ALDH1L1: variants seen among roughly 807,000 people sequenced by gnomAD.
ALDH1L1 encodes cytosolic 10-formyltetrahydrofolate dehydrogenase.
In ALDH1L1, 68 loss-of-function variants were observed where a neutral mutation model predicts 101.1. The ratio of observed to expected loss-of-function variants is 0.67; its 90% CI spans 0.55 to 0.82. ALDH1L1 has a LOEUF of 0.82. Among genes scored for constraint, ALDH1L1 ranks in the 40% least tolerant of loss-of-function variants. The pLI, the probability that ALDH1L1 is intolerant of heterozygous loss-of-function variation, is 0.00. For synonymous variants in ALDH1L1, 486 were observed against 470.8 expected, an observed-to-expected ratio of 1.03 and a Z score of -0.42; for missense variants, 1,087 against 1,172.7, an observed-to-expected ratio of 0.93 and a Z score of 1.07.
intron 9 of ALDH1L1, among the ~76,000 whole-genome samples, chr3:126,140,654 A>C (rs757172558): frequency 3.3e-5 from 5 of 152,088 alleles, no homozygotes; most frequent in Non-Finnish European, 7.4e-5. Flanking sequence ...TATAAAGGGG[A>C]AGGAAAAGAG....
At chr3:126,134,838 G>A (rs893749248) in intron 12 of ALDH1L1, among the ~76,000 whole-genome samples, 7 of 152,202 alleles carry the variant, frequency 4.6e-5, no homozygotes, top group South Asian at 2.1e-4. Flanking sequence ...CTGTGTTCTC[G>A]GCTCATCTGG....
chr3:126,136,802 C>T lies in ALDH1L1; in HGVS notation c.1306G>A (p.Ala436Thr), dbSNP rs9282692. The T allele has an allele frequency of 1.3e-4, 214 of 1,592,552 alleles. 1 individual carries two copies. Among genetic ancestry groups the T allele is most frequent in the African/African-American group, 3.3e-4 (25 of 74,656 alleles). ...GGATTGATGGTCTCAGAGGTCTTGG[C>T]GCCCTCGGCATCCACGAACTCCCCC... ...IGGEFVDAEG[A>T]KTSETINPTD... The change falls in exon 11 of 23, where the codon GCC (alanine) becomes ACC (threonine). Residue 436 changes from alanine to threonine, a missense_variant. By Grantham distance (58) the Ala-to-Thr change is moderately conservative. Around this residue, in one of 2 missense-constraint regions of ALDH1L1, gnomAD observed 645 missense variants for 637.0 expected, o/e 1.01. Coordinates refer to ENST00000393434, the MANE Select transcript of ALDH1L1 (RefSeq NM_012190.4).
At chr3:126,133,190 T>A (rs2080350766) in intron 12 of ALDH1L1, among the ~76,000 whole-genome samples, 1 of 152,220 alleles carries the variant, frequency 6.6e-6, no homozygotes, top group Non-Finnish European at 1.5e-5. Context: ...TAGGGCCCGC[T>A]GCTTTGCATA....
At chr3:126,134,295 T>A (rs1472572945) in intron 12 of ALDH1L1, among the ~76,000 whole-genome samples, 2 of 152,198 alleles carry the variant, frequency 1.3e-5, no homozygotes, top group South Asian at 2.1e-4. Context: ...ACTGTCATTA[T>A]GGGTGAGTAG....
chr3:126,182,117 A>G (rs933839638), upstream of ALDH1L1, among the ~76,000 whole-genome samples: 2 of 152,074 alleles, frequency 1.3e-5, no homozygotes, highest in African/African-American at 4.8e-5. Flanking sequence ...AGAGGCCTGT[A>G]ATTTTTCTTC....
At chr3:126,121,383 T>A (rs2080076850) in intron 16 of ALDH1L1, among the ~76,000 whole-genome samples, 2 of 152,208 alleles carry the variant, frequency 1.3e-5, no homozygotes, top group South Asian at 4.1e-4. Context: ...ATTAGAAATA[T>A]AAGAACGGAA....
Position 126,115,819 on chromosome 3 carries a change from C to T in ALDH1L1, c.1983-1163G>A, listed in dbSNP as rs557258560. Among the ~76,000 whole-genome samples, 7 of 151,908 alleles carry T rather than the reference C, an allele frequency of 4.6e-5. No individual in the cohort carries two copies. The South Asian group carries it at 1.5e-3, about 32-fold the overall frequency. On this transcript the variant is annotated intron_variant, in intron 17 of 22. Coordinates refer to ENST00000393434, the MANE Select transcript of ALDH1L1 (RefSeq NM_012190.4). ...TGAACTCCTGACCTCAGGTGATCTG[C>T]CCACCTCGGCCTCCCAAAATGCTGG...
chr3:126,189,172 A>G (rs2081538333), intron 1 of ALDH1L1, among the ~76,000 whole-genome samples: 1 of 152,258 alleles, frequency 6.6e-6, no homozygotes, highest in South Asian at 2.1e-4. Context: ...TTAATCACTA[A>G]GTGAACTAAT....
upstream of ALDH1L1, among the ~76,000 whole-genome samples, chr3:126,185,190 C>A (rs377684459): frequency 6.6e-6 from 1 of 152,200 alleles, no homozygotes; most frequent in African/African-American, 2.4e-5. Flanking sequence ...ACAGAGCTTA[C>A]AGCCCTGCTC....
chr3:126,188,584 A>G (rs1464963468), intron 1 of ALDH1L1, among the ~76,000 whole-genome samples: 1 of 152,230 alleles, frequency 6.6e-6, no homozygotes, highest in Non-Finnish European at 1.5e-5. Context: ...TCACCTAAGT[A>G]AGAATGTGAA....
rs1559957858 is a variant in ALDH1L1, at chr3:126,154,555, T to A, written c.719A>T (p.Gln240Leu). Reference sequence around the variant, plus strand: ...GATTCCAGCCATGCAGGGACACACCTGTTCACAGGCCTCTGTCCAGGCTCC... The same window carrying A: ...GATTCCAGCCATGCAGGGACACACCAGTTCACAGGCCTCTGTCCAGGCTCC... The part of the protein sequence containing the change: ...VPGAWTEACE[Q>L]KLTFFNSTLN... Residue 240 changes from glutamine (Q) to leucine (L), a missense_variant and splice_region_variant, in exon 6 of 23, where the codon CAG (glutamine) becomes CTG (leucine). Physicochemically the swap from Gln to Leu is moderately radical, Grantham distance 113 (BLOSUM62 -2). This residue lies in a region of ALDH1L1 where 645 missense variants were observed against 637.0 expected (regional missense o/e 1.01). Transcript: ENST00000393434. 1 of 1,614,134 alleles carries A rather than the reference T, an allele frequency of 6.2e-7. No homozygotes were observed.
upstream of ALDH1L1, among the ~76,000 whole-genome samples, chr3:126,184,345 C>G (rs1403851629): frequency 1.3e-5 from 2 of 152,240 alleles, no homozygotes; most frequent in Non-Finnish European, 2.9e-5. Flanking sequence ...TGACCCCAAC[C>G]TTCTCCTTGG....
intron 1 of ALDH1L1, among the ~76,000 whole-genome samples, chr3:126,192,308 A>G (rs1382086012): frequency 2.0e-5 from 3 of 152,212 alleles, no homozygotes; most frequent in African/African-American, 7.2e-5. Flanking sequence ...GCAATTGATG[A>G]GAGTCCTTGA....
chr3:126,157,632 C>A (rs1206492059), intron 3 of ALDH1L1, 124 bp from the exon 4 acceptor site: 1 of 1,037,136 alleles, frequency 9.6e-7, no homozygotes, highest in Non-Finnish European at 1.4e-6. Flanking sequence ...GGACTGACAC[C>A]GGCTCCGGCG....
In ALDH1L1 at chr3:126,143,268, G is replaced by A. The variant is rs115303257; in HGVS notation, c.1076+3567C>T. ...TCCTAAGTTGAAGCATCATAAGTCTGGGACCATCTATATATTCTATGTTTT... is the reference window on the plus strand; with the variant it reads ...TCCTAAGTTGAAGCATCATAAGTCTAGGACCATCTATATATTCTATGTTTT... On this transcript the variant is annotated intron_variant, in intron 9 of 22. Coordinates refer to ENST00000393434, the MANE Select transcript of ALDH1L1 (RefSeq NM_012190.4). 3.8e-3 allele frequency among the ~76,000 whole-genome samples: 581 copies of A among 152,268 alleles called. 3 individuals are homozygous for A. Among genetic ancestry groups the A allele is most frequent in the Middle Eastern group, 0.017 (5 of 294 alleles).
chr3:126,171,380 C>T (rs528265339), intron 1 of ALDH1L1, among the ~76,000 whole-genome samples: 2 of 152,230 alleles, frequency 1.3e-5, no homozygotes, highest in South Asian at 4.2e-4. Context: ...CTCTCCCTCC[C>T]AGATAAGCAC....
intron 8 of ALDH1L1, among the ~76,000 whole-genome samples, chr3:126,147,872 ACT>A (rs1218354215): frequency 1.3e-5 from 2 of 152,106 alleles, no homozygotes; most frequent in African/African-American, 4.8e-5. Flanking sequence ...CAAGCCACGC[ACT>A]GTCTGCCACA....
At chr3:126,131,010 T>A (rs112848309) in intron 13 of ALDH1L1, among the ~76,000 whole-genome samples, 1 of 152,170 alleles carries the variant, frequency 6.6e-6, no homozygotes, top group African/African-American at 2.4e-5. Context: ...CTGCTGCCGC[T>A]GGGAGATACA....
intron 4 of ALDH1L1, chr3:126,156,798 A>ACC (rs771659423): frequency 6.6e-6 from 1 of 152,122 alleles, no homozygotes; most frequent in East Asian, 1.9e-4. Flanking sequence ...GGATCACATG[A>ACC]CCCCCAAGCT....
Sources: allele counts gnomAD v4.1 joint callset (sites outside exome capture counted in the v4.1 genomes callset), GRCh38; gene constraint gnomAD v4.1.1; regional missense constraint gnomAD v4.1.1; transcripts MANE v1.5; gene names NCBI Gene and HGNC (gene_info 2026-07-23, HGNC 2026-07-21).